Variants in TCERG1L observed in about 807,000 individuals in gnomAD.
TCERG1L encodes transcription elongation regulator 1-like protein.
In TCERG1L, 37 loss-of-function variants were observed where a neutral mutation model predicts 56.3. The ratio of observed to expected loss-of-function variants is 0.66; its 90% CI spans 0.51 to 0.87. The LOEUF is 0.87. Ranked by LOEUF, TCERG1L falls within the 40% of genes least tolerant of loss-of-function variation. TCERG1L has a pLI of 0.00. For synonymous variants in TCERG1L, 324 were observed against 326.3 expected (o/e 0.99, Z 0.08); for missense variants, 799 against 774.2 (o/e 1.03, Z -0.38).
At chr10:131,193,771 T>C (rs1357257556) in intron 4 of TCERG1L, among the ~76,000 whole-genome samples, 2 of 152,250 alleles carry the variant, frequency 1.3e-5, no homozygotes, top group Non-Finnish European at 2.9e-5. Context: ...AGTCAGGTAA[T>C]GTGATGCCTC....
At chr10:131,174,565 C>T (rs1439358842) in intron 4 of TCERG1L, among the ~76,000 whole-genome samples, 1 of 152,196 alleles carries the variant, frequency 6.6e-6, no homozygotes, top group African/African-American at 2.4e-5. Context: ...AGCCTGGTTC[C>T]TGAGATCCCA....
chr10:131,124,546 T>C (rs896080890), intron 8 of TCERG1L, among the ~76,000 whole-genome samples: 6 of 152,324 alleles, frequency 3.9e-5, no homozygotes, highest in African/African-American at 1.2e-4. Context: ...CAAGGTGACT[T>C]TTTGCAAGTG....
At position 131,184,890 on chromosome 10, in the gene TCERG1L, T is replaced by C. The variant is rs547908725; in HGVS notation, c.857-18005A>G. Among the ~76,000 whole-genome samples the C allele has an allele frequency of 3.9e-5, 6 of 152,312 alleles. No homozygotes were observed. The South Asian group carries it at 1.2e-3, about 32-fold the overall frequency. ...GAACAAAATGGCACCAAAGTCACTA[T>C]TACAAAACACAAATAAACTCTAGAA... On this transcript the variant is annotated intron_variant, in intron 4 of 11. Transcript: ENST00000368642.
intron 7 of TCERG1L, among the ~76,000 whole-genome samples, chr10:131,137,699 A>T (rs1351880884): frequency 6.6e-6 from 1 of 152,228 alleles, no homozygotes; most frequent in Non-Finnish European, 1.5e-5. Flanking sequence ...AATATTGGTA[A>T]TTTTTTAGGG....
intron 4 of TCERG1L, among the ~76,000 whole-genome samples, chr10:131,193,205 ATTGTTG>A (rs761928422): frequency 2.0e-5 from 3 of 151,936 alleles, no homozygotes; most frequent in Non-Finnish European, 4.4e-5. Context: ...AATGAAATTT[ATTGTTG>A]TTGTTGTTGT....
intron 4 of TCERG1L, among the ~76,000 whole-genome samples, chr10:131,170,865 C>A (rs969956982): frequency 6.6e-6 from 1 of 152,000 alleles, no homozygotes; most frequent in Admixed American, 6.6e-5. Context: ...AAAAGTGTGG[C>A]GGCCGGGCGC....
chr10:131,197,659 C>G (rs1845381263), intron 4 of TCERG1L, among the ~76,000 whole-genome samples: 1 of 152,176 alleles, frequency 6.6e-6, no homozygotes, highest in Non-Finnish European at 1.5e-5. Flanking sequence ...AGGGAGATGG[C>G]CCAAAATTGA....
Position 131,221,901 on chromosome 10 carries a change from G to A in TCERG1L, c.856+38358C>T, listed in dbSNP as rs549080420. ...AATGAGAATCTGCGTGGGCATCCCA[G>A]CTACAGCCTCCGAACCTCTAGGTGA... On this transcript the variant is annotated intron_variant, in intron 4 of 11. Coordinates refer to ENST00000368642, the MANE Select transcript of TCERG1L (RefSeq NM_174937.4). Among the ~76,000 whole-genome samples the A allele has an allele frequency of 2.0e-5, 3 of 152,352 alleles. No individual in the cohort carries two copies. In the South Asian group the frequency reaches 6.2e-4, roughly 32 times the overall value.
Position 131,311,422 on chromosome 10 carries a change from G to A in TCERG1L, c.214C>T (p.Pro72Ser), listed in dbSNP as rs1846897548. The A allele has an allele frequency of 1.7e-6, 2 of 1,178,496 alleles. No homozygotes were observed. Among genetic ancestry groups the A allele is most frequent in the African/African-American group, 3.2e-5 (2 of 61,816 alleles). The allele number at this position is 1,178,496 out of a possible 1,614,324, so 73.0% of individuals were successfully genotyped here. The change falls in exon 1 of 12, where the codon CCG becomes TCG. Residue 72 changes from proline to serine, a missense_variant. Coordinates refer to ENST00000368642, the MANE Select transcript of TCERG1L (RefSeq NM_174937.4). The surrounding 1 kb of genome is among the most constrained non-coding windows in gnomAD (Gnocchi z 4.0). ...LLASAPPPAA[P>S]LLPGLPGWPA... ...CAGCCGGGGAGACCGGGGAGCAGCG[G>A]GGCCGCGGGCGGCGGGGCCGAGGCG...
At position 131,228,162 on chromosome 10, in the gene TCERG1L, C is replaced by T. The variant is rs71478075; in HGVS notation, c.856+32097G>A. Among the ~76,000 whole-genome samples, 57 of 146,606 alleles carry T rather than the reference C, an allele frequency of 3.9e-4. 1 individual carries two copies. The highest frequency in any genetic ancestry group is 1.3e-3 in the South Asian group (6 of 4,446). ...CATTTCCTCAAGGCCTCCGGAGTCT[C>T]CCCTCCGGACAGGCATTTCCTCAAG... On this transcript the variant is annotated intron_variant, in intron 4 of 11. Transcript: ENST00000368642.
At chr10:131,275,825 T>C (rs1426359266) in intron 3 of TCERG1L, among the ~76,000 whole-genome samples, 1 of 152,234 alleles carries the variant, frequency 6.6e-6, no homozygotes, top group Admixed American at 6.5e-5. Flanking sequence ...CAGCATCAGC[T>C]GGTGGGGCAG....
chr10:131,308,536 A>C lies in TCERG1L; in HGVS notation c.490-145T>G, dbSNP rs1589780017. ...GGACTCTATAAAACCATCATTCTAAAACTTAAAGAAGTTCCACAGGGCTTC... is the reference window on the plus strand; with the variant it reads ...GGACTCTATAAAACCATCATTCTAACACTTAAAGAAGTTCCACAGGGCTTC... On this transcript the variant is annotated intron_variant, in intron 2 of 11. Transcript: ENST00000368642. 5 of 702,876 alleles carry C rather than the reference A, an allele frequency of 7.1e-6. 1 individual carries two copies. The Admixed American group carries it at 1.5e-4, about 21-fold the overall frequency. 43.5% of individuals were successfully genotyped at this position (702,876 alleles called of 1,614,324 possible). A position where few individuals can be genotyped will look rare whatever the true frequency, so the allele number is the denominator to read the frequency against.
At chr10:131,234,635 A>T (rs1362764387) in intron 4 of TCERG1L, among the ~76,000 whole-genome samples, 1 of 152,190 alleles carries the variant, frequency 6.6e-6, no homozygotes, top group Non-Finnish European at 1.5e-5. Flanking sequence ...CCTTGGAAGA[A>T]GTCGTTGAGA....
rs1004504896 is a variant in TCERG1L, at chr10:131,311,084, T to G, written c.342+210A>C. 6.6e-6 allele frequency among the ~76,000 whole-genome samples: 1 copy of G among 152,068 alleles called. No homozygotes were observed. Among genetic ancestry groups the G allele is most frequent in the Non-Finnish European group, 1.5e-5 (1 of 67,990 alleles). On this transcript the variant is annotated intron_variant, in intron 1 of 11. Coordinates refer to ENST00000368642, the MANE Select transcript of TCERG1L (RefSeq NM_174937.4). The surrounding 1 kb of genome is among the most constrained non-coding windows in gnomAD (Gnocchi z 4.0). ...CTCCGTCCAGACACCCGGAGGCACC[T>G]GCCAAAGCTGCGGAGGTGGACGACC...
At chr10:131,132,877 C>A (rs1384668286) in intron 8 of TCERG1L, among the ~76,000 whole-genome samples, 1 of 152,192 alleles carries the variant, frequency 6.6e-6, no homozygotes. Context: ...TGAGCCTCTG[C>A]CCTGCCACGT....
At chr10:131,243,363 C>A (rs528284227) in intron 4 of TCERG1L, among the ~76,000 whole-genome samples, 10 of 152,284 alleles carry the variant, frequency 6.6e-5, no homozygotes, top group Admixed American at 3.9e-4. Context: ...GGGTGGATCA[C>A]TTGAGGTCAG....
chr10:131,143,504 A>C (rs1018724240), intron 7 of TCERG1L, among the ~76,000 whole-genome samples: 4 of 152,142 alleles, frequency 2.6e-5, no homozygotes, highest in African/African-American at 7.2e-5. Flanking sequence ...TGTCCCAGTG[A>C]AGTGACAGGT....
chr10:131,249,046 G>C (rs1298709587), intron 4 of TCERG1L, among the ~76,000 whole-genome samples: 6 of 152,202 alleles, frequency 3.9e-5, no homozygotes, highest in Non-Finnish European at 8.8e-5. Context: ...CCTCCTAAGG[G>C]AAAAGGTTCC....
At chr10:131,284,112 C>T (rs1353323520) in intron 3 of TCERG1L, among the ~76,000 whole-genome samples, 1 of 106,466 alleles carries the variant, frequency 9.4e-6, no homozygotes, top group Non-Finnish European at 1.8e-5. Flanking sequence ...GGCGACAGAA[C>T]AAGACCACAT....
Sources: gnomAD v4.1 joint callset for allele counts (sites outside exome capture counted in the v4.1 genomes callset) on GRCh38, gnomAD v4.1.1 for gene constraint, Gnocchi (gnomAD v3.1) non-coding constraint, MANE v1.5 for transcripts, NCBI Gene and HGNC (gene_info 2026-07-23, HGNC 2026-07-21) for gene names.